The following RTN1 variants were observed in gnomAD, a reference collection of about 807,000 sequenced individuals.
RTN1 encodes reticulon-1.
A neutral mutation model predicts 65.5 loss-of-function variants in RTN1; 25 were observed. That is an observed-to-expected ratio of 0.38 (90% confidence interval 0.28 to 0.53). The LOEUF (loss-of-function observed/expected upper bound fraction) is 0.53. RTN1 is among the 20% of genes least tolerant of loss of function. The pLI, the probability that RTN1 is intolerant of heterozygous loss-of-function variation, is 0.79. For synonymous variants in RTN1, 471 were observed against 447.6 expected (o/e 1.05, Z -0.66); for missense variants, 983 against 1,025.4 (o/e 0.96, Z 0.57).
Position 59,727,703 on chromosome 14 carries a change from GCACA to G in RTN1, c.1016-39_1016-36del, listed in dbSNP as rs764847859. ...CACAGAGCGAAGGAGAGCCACGGAG[GCACA>G]CACACGGACAGACAGATGGACAGAG... is the stretch of plus-strand genomic sequence containing the variant. On this transcript the variant is annotated intron_variant, in intron 2 of 8. Transcript: ENST00000267484. The surrounding 1 kb of genome is among the most constrained non-coding windows in gnomAD (Gnocchi z 4.2). 3.5e-5 allele frequency: 54 copies of G among 1,553,090 alleles called. No individual in the cohort carries two copies. The highest frequency in any genetic ancestry group is 4.5e-5 in the Non-Finnish European group (52 of 1,149,972).
intron 1 of RTN1, among the ~76,000 whole-genome samples, chr14:59,865,608 C>A (rs552265193): frequency 4.6e-5 from 7 of 152,192 alleles, no homozygotes; most frequent in Non-Finnish European, 8.8e-5. Context: ...GGCTCACACT[C>A]TTCTCACTGT....
intron 3 of RTN1, among the ~76,000 whole-genome samples, chr14:59,689,844 T>C (rs1184796733): frequency 1.3e-5 from 2 of 152,152 alleles, no homozygotes; most frequent in Non-Finnish European, 2.9e-5. Flanking sequence ...ATGATACCTG[T>C]TACCACAAAA....
chr14:59,630,406 C>G (rs371004314), intron 3 of RTN1: 82 of 1,612,186 alleles, frequency 5.1e-5, no homozygotes, highest in Middle Eastern at 1.6e-4. Context: ...CCGGGTTTCC[C>G]GTGCGCCTCA....
chr14:59,772,981 A>G (rs1885987056), intron 1 of RTN1, among the ~76,000 whole-genome samples: 1 of 152,184 alleles, frequency 6.6e-6, no homozygotes, highest in Non-Finnish European at 1.5e-5. Flanking sequence ...GCATTCTTTT[A>G]GATGAGGTTC....
At chr14:59,686,856 C>T (rs7159125) in intron 3 of RTN1, among the ~76,000 whole-genome samples, 2 of 152,176 alleles carry the variant, frequency 1.3e-5, no homozygotes, top group Non-Finnish European at 2.9e-5. Flanking sequence ...GAACCAAGAA[C>T]AGGACACCAT....
chr14:59,854,467 C>G lies in RTN1; in HGVS notation c.241+15923G>C, dbSNP rs1038072221. On this transcript the variant is annotated intron_variant, in intron 1 of 8. Transcript: ENST00000267484. ...ACCATCCTAGGCAACATGATGAAAC[C>G]CCATCTCTACTAAAAACACAAAAAT... Among the ~76,000 whole-genome samples, 5 of 151,288 alleles carry G rather than the reference C, an allele frequency of 3.3e-5. No individual in the cohort carries two copies. In the South Asian group the frequency reaches 6.3e-4, roughly 19 times the overall value.
chr14:59,756,342 G>A (rs1337698981), intron 1 of RTN1, among the ~76,000 whole-genome samples: 7 of 152,138 alleles, frequency 4.6e-5, no homozygotes, highest in Non-Finnish European at 8.8e-5. Context: ...TTAAGAAAAG[G>A]TGCCTAAAAT....
intron 8 of RTN1, among the ~76,000 whole-genome samples, chr14:59,598,359 T>C (rs1407345428): frequency 6.6e-6 from 1 of 152,170 alleles, no homozygotes; most frequent in Non-Finnish European, 1.5e-5. Flanking sequence ...TTGTGATAAC[T>C]GAAGGAAATA....
At chr14:59,779,078 A>T (rs1160091998) in intron 1 of RTN1, among the ~76,000 whole-genome samples, 1 of 152,140 alleles carries the variant, frequency 6.6e-6, no homozygotes, top group Non-Finnish European at 1.5e-5. Flanking sequence ...GCAGTGGTCC[A>T]GGGGAGCAGT....
chr14:59,670,186 T>C (rs1330812944), intron 3 of RTN1, among the ~76,000 whole-genome samples: 3 of 152,188 alleles, frequency 2.0e-5, no homozygotes, highest in African/African-American at 7.2e-5. Context: ...TAGTGTAAAG[T>C]TCCCCACTCA....
At chr14:59,657,850 T>G (rs1594658233) in intron 3 of RTN1, among the ~76,000 whole-genome samples, 1 of 51,856 alleles carries the variant, frequency 1.9e-5, no homozygotes, top group Non-Finnish European at 3.6e-5. Flanking sequence ...GCTGCAGGAG[T>G]TTTTTTTCAT....
At chr14:59,780,905 G>A (rs969099693) in intron 1 of RTN1, among the ~76,000 whole-genome samples, 2 of 152,142 alleles carry the variant, frequency 1.3e-5, no homozygotes, top group African/African-American at 4.8e-5. Context: ...GTCTGGGAAA[G>A]AGAGGAAGCC....
chr14:59,654,432 G>GGAAAAAA (rs370396777), intron 3 of RTN1, among the ~76,000 whole-genome samples: 1 of 108,828 alleles, frequency 9.2e-6, no homozygotes, highest in Non-Finnish European at 2.1e-5. Context: ...CTGTCTCTGT[G>GGAAAAAA]AAAAAAAAAA....
chr14:59,765,825 G>A (rs1019826907), intron 1 of RTN1, among the ~76,000 whole-genome samples: 1 of 151,736 alleles, frequency 6.6e-6, no homozygotes, highest in Non-Finnish European at 1.5e-5. Context: ...CCAACATCTG[G>A]TGTTTGGCGT....
At chr14:59,633,683 G>A (rs964410805) in intron 3 of RTN1, among the ~76,000 whole-genome samples, 1 of 152,208 alleles carries the variant, frequency 6.6e-6, no homozygotes, top group South Asian at 2.1e-4. Flanking sequence ...GAGAACAGAC[G>A]GGCTTTATCT....
At chr14:59,699,612 A>G (rs978850486) in intron 3 of RTN1, among the ~76,000 whole-genome samples, 6 of 152,190 alleles carry the variant, frequency 3.9e-5, no homozygotes, top group Admixed American at 3.9e-4. Flanking sequence ...AGCAATGGAG[A>G]TGACAATGGA....
Position 59,816,981 on chromosome 14 carries a change from T to G in RTN1, c.241+53409A>C, listed in dbSNP as rs951178067. On this transcript the variant is annotated intron_variant, in intron 1 of 8. Transcript: ENST00000267484. This position sits in a 1 kb window ranked among gnomAD's most constrained non-coding sequence, Gnocchi z 4.3. ...AATACACAGTACCAATAAGGGTTGTTTTATGTACATCTTAAGGGCAAATCT... is the reference window on the plus strand; with the variant it reads ...AATACACAGTACCAATAAGGGTTGTGTTATGTACATCTTAAGGGCAAATCT... Among the ~76,000 whole-genome samples, 5 of 152,140 alleles carry G rather than the reference T, an allele frequency of 3.3e-5. No homozygotes were observed. Among genetic ancestry groups the G allele is most frequent in the Non-Finnish European group, 5.9e-5 (4 of 68,032 alleles).
chr14:59,684,205 T>C (rs1883800358), intron 3 of RTN1, among the ~76,000 whole-genome samples: 1 of 152,094 alleles, frequency 6.6e-6, no homozygotes, highest in Non-Finnish European at 1.5e-5. Context: ...TTTAATTAAA[T>C]GATCTGTTTT....
At chr14:59,838,154 A>T (rs1404588585) in intron 1 of RTN1, among the ~76,000 whole-genome samples, 1 of 152,128 alleles carries the variant, frequency 6.6e-6, no homozygotes, top group Non-Finnish European at 1.5e-5. Context: ...CTTTATGTCC[A>T]TGTATACCCA....
Sources: gnomAD v4.1 joint callset for allele counts (sites outside exome capture counted in the v4.1 genomes callset) on GRCh38, gnomAD v4.1.1 for gene constraint, Gnocchi (gnomAD v3.1) non-coding constraint, MANE v1.5 for transcripts, NCBI Gene and HGNC (gene_info 2026-07-23, HGNC 2026-07-21) for gene names.